The following TBX22 variants were observed in gnomAD, a reference collection of about 807,000 sequenced individuals.
TBX22 encodes T-box transcription factor 22, also known as T-box transcription factor TBX22.
In TBX22, 8 loss-of-function variants were observed where a neutral mutation model predicts 30.1. The observed-to-expected ratio is 0.27, with a 90% CI of 0.16 to 0.48. TBX22 has a LOEUF of 0.48. Ranked by LOEUF, TBX22 falls within the 20% of genes least tolerant of loss-of-function variation. TBX22 has a pLI of 0.99. For synonymous variants in TBX22, 173 were observed against 149.1 expected, an observed-to-expected ratio of 1.16 and a Z score of -1.17; for missense variants, 463 against 400.5, an observed-to-expected ratio of 1.16 and a Z score of -1.33.
At chrX:80,018,021 A>G (rs968263017) in intron 1 of TBX22, among the ~76,000 whole-genome samples, 15 of 112,194 alleles carry the variant, frequency 1.3e-4, no homozygotes, top group Non-Finnish European at 2.8e-4. Flanking sequence ...AAGAATTTGT[A>G]TCTCTACTTT....
chrX:80,018,077 T>G (rs1923529325), intron 1 of TBX22, among the ~76,000 whole-genome samples: 1 of 112,143 alleles, frequency 8.9e-6, no homozygotes, highest in East Asian at 2.8e-4. Flanking sequence ...AAGTTTGACA[T>G]GCATAACTCA....
At chrX:80,017,619 A>G (rs755670785) in intron 1 of TBX22, among the ~76,000 whole-genome samples, 1 of 111,780 alleles carries the variant, frequency 8.9e-6, no homozygotes, top group Non-Finnish European at 1.9e-5. Flanking sequence ...ACCATAGGGT[A>G]GAATTACATT....
intron 3 of TBX22, 145 bp from the exon 4 acceptor site, chrX:80,023,918 C>A: frequency 1.9e-6 from 1 of 531,614 alleles, no homozygotes; most frequent in Non-Finnish European, 3.3e-6. Context: ...CCTCATGTAG[C>A]AAATGCTATT....
intron 8 of TBX22, among the ~76,000 whole-genome samples, chrX:80,028,514 TTTTCCTC>T (rs1192881445): frequency 1.8e-5 from 2 of 111,985 alleles, no homozygotes; most frequent in East Asian, 5.6e-4. Flanking sequence ...TGAGCTCTAA[TTTTCCTC>T]TTTTTTGTTC....
At chrX:80,022,765 G>A (rs1326225024) in intron 2 of TBX22, 2 of 416,856 alleles carry the variant, frequency 4.8e-6, no homozygotes, top group South Asian at 3.6e-5. Flanking sequence ...AAATCCCGAG[G>A]GCATCCAGTC....
intron 1 of TBX22, among the ~76,000 whole-genome samples, chrX:80,016,161 G>T (rs1322767672): frequency 1.8e-5 from 2 of 112,539 alleles, no homozygotes; most frequent in East Asian, 5.6e-4. Context: ...AATATGGAAA[G>T]AAGCCTTTAG....
rs367771247 is a variant in TBX22 at position 80,022,314 on chromosome X, G to A, written c.45G>A (p.Leu15=). 2.5e-6 allele frequency: 3 copies of A among 1,209,495 alleles called. No individual in the cohort carries two copies. Among genetic ancestry groups the A allele is most frequent in the Non-Finnish European group, 3.4e-6 (3 of 895,138 alleles). The change falls in exon 2 of 9, where the codon TTG becomes TTA. Residue 15 remains leucine, a synonymous_variant. Coordinates refer to ENST00000373296, the MANE Select transcript of TBX22 (RefSeq NM_001109878.2). ...SRARAFSVEA[L]VGRPSKRKLQ... ...CGCGTGCCTTCTCCGTGGAAGCCTT[G>A]GTGGGGAGACCCAGCAAAAGAAAAC...
chrX:80,022,068 A>G (rs1569297400), intron 1 of TBX22, among the ~76,000 whole-genome samples, 200 bp from the exon 2 acceptor site: 1 of 106,501 alleles, frequency 9.4e-6, no homozygotes, highest in Non-Finnish European at 1.9e-5. Flanking sequence ...ACACACACAC[A>G]ATTATTTTCT....
chrX:80,024,871 T>A (rs944030906), intron 4 of TBX22, among the ~76,000 whole-genome samples: 5 of 110,417 alleles, frequency 4.5e-5, no homozygotes, highest in South Asian at 3.9e-4. Context: ...TGGGGTCCAG[T>A]TCAGGGTTGG....
At chrX:80,029,971 A>C (rs1924166147) in intron 8 of TBX22, among the ~76,000 whole-genome samples, 1 of 111,675 alleles carries the variant, frequency 9.0e-6, no homozygotes, top group African/African-American at 3.3e-5. Context: ...GTGGTCCCCA[A>C]CCTTTTTGGT....
At chrX:80,024,269 G>T (rs770748222) in intron 4 of TBX22, 105 bp downstream of exon 4, 6 of 702,206 alleles carry the variant, frequency 8.5e-6, no homozygotes, top group East Asian at 3.3e-5. Flanking sequence ...CTAGCATGGG[G>T]GGTGGGAGTG....
intron 1 of TBX22, among the ~76,000 whole-genome samples, chrX:80,015,861 CT>C (rs1923412485): frequency 8.9e-6 from 1 of 111,800 alleles, no homozygotes; most frequent in South Asian, 3.7e-4. Flanking sequence ...AAAACCTTCC[CT>C]TTTGCCCCTC....
chrX:80,022,420 G>T lies in TBX22; in HGVS notation c.151G>T (p.Ala51Ser), dbSNP rs1923754712. 8.4e-7 allele frequency: 1 copy of T among 1,193,676 alleles called. No homozygotes were observed. The highest frequency in any genetic ancestry group is 2.3e-5 in the Admixed American group (1 of 43,630). ...GEEEEERRSSAAGKSEPLEKQ... is the reference protein window; with the variant it reads ...GEEEEERRSSSAGKSEPLEKQ... ...GGAAGAGGAGGAGAGAAGGAGCAGC[G>T]CTGCAGGGAAGAGCGAGCCGCTTGG... The change falls in exon 2 of 9, where the codon GCT becomes TCT. Residue 51 changes from alanine (A) to serine (S), a missense_variant. Coordinates refer to ENST00000373296, the MANE Select transcript of TBX22 (RefSeq NM_001109878.2).
intron 1 of TBX22, among the ~76,000 whole-genome samples, chrX:80,015,736 G>A (rs956098655): frequency 8.9e-6 from 1 of 111,922 alleles, no homozygotes; most frequent in South Asian, 3.8e-4. Context: ...TTGCTGTAGG[G>A]TGGTGATATG....
At chrX:80,021,096 T>G (rs1374813679) in intron 1 of TBX22, among the ~76,000 whole-genome samples, 1 of 111,616 alleles carries the variant, frequency 9.0e-6, no homozygotes, top group Admixed American at 9.5e-5. Flanking sequence ...GTATATTCAT[T>G]TTAAGGAAAA....
chrX:80,022,923 G>A (rs1923790542), intron 2 of TBX22, 137 bp from the exon 3 acceptor site: 9 of 617,624 alleles, frequency 1.5e-5, no homozygotes, highest in Admixed American at 2.8e-5. Context: ...GGTGTTATGC[G>A]GAGCTTGGGG....
rs1238545711 is a variant in TBX22, at chrX:80,026,804, G to A, written c.734G>A (p.Gly245Asp). 1.7e-6 allele frequency: 2 copies of A among 1,211,282 alleles called. No individual in the cohort carries two copies. The highest frequency in any genetic ancestry group is 2.2e-5 in the Admixed American group (1 of 46,022). The part of the protein sequence containing the change: ...LSQIQSLPTE[G>D]VKTFSFKETE... ...CAGATTCAGTCCTTGCCCACTGAAG[G>A]TGTTAAAACATTCTCCTTTAAAGAA... Residue 245 changes from glycine to aspartate, a missense_variant, in exon 6 of 9, where the codon GGT becomes GAT. Coordinates refer to ENST00000373296, the MANE Select transcript of TBX22 (RefSeq NM_001109878.2).
At chrX:80,024,490 G>A (rs1426122297) in intron 4 of TBX22, among the ~76,000 whole-genome samples, 1 of 110,383 alleles carries the variant, frequency 9.1e-6, no homozygotes, top group Non-Finnish European at 1.9e-5. Context: ...GAGGGTGTGG[G>A]CTCTGGTGGT....
chrX:80,015,873 G>A (rs182553744), intron 1 of TBX22, among the ~76,000 whole-genome samples: 18 of 111,531 alleles, frequency 1.6e-4, no homozygotes, highest in African/African-American at 5.2e-4. Flanking sequence ...TTTGCCCCTC[G>A]GAGCATTGAT....
Sources: allele counts gnomAD v4.1 joint callset (sites outside exome capture counted in the v4.1 genomes callset), GRCh38; gene constraint gnomAD v4.1.1; transcripts MANE v1.5; gene names NCBI Gene and HGNC (gene_info 2026-07-23, HGNC 2026-07-21).